Variants in SLC9A7 observed in about 807,000 individuals in gnomAD.
The protein encoded by SLC9A7 is solute carrier family 9 member A7.
In SLC9A7, 19 loss-of-function variants were observed where a neutral mutation model predicts 52.6. The ratio of observed to expected loss-of-function variants is 0.36; its 90% CI spans 0.25 to 0.53. The LOEUF is 0.53. SLC9A7 is among the 20% of genes least tolerant of loss of function. The pLI is 0.91. For synonymous variants in SLC9A7, 226 were observed against 252.1 expected (o/e 0.90, Z 0.98); for missense variants, 455 against 597.9 (o/e 0.76, Z 2.49).
At chrX:46,697,470 C>G (rs1409852346) in intron 1 of SLC9A7, among the ~76,000 whole-genome samples, 1 of 111,617 alleles carries the variant, frequency 9.0e-6, no homozygotes, top group Non-Finnish European at 1.9e-5. Flanking sequence ...TTATTAGTTC[C>G]CCAAATTAAT....
At chrX:46,720,218 C>T (rs1231937618) in intron 1 of SLC9A7, among the ~76,000 whole-genome samples, 1 of 111,781 alleles carries the variant, frequency 8.9e-6, no homozygotes, top group Non-Finnish European at 1.9e-5. Flanking sequence ...ACAAACAAGA[C>T]TTTCCTCAGA....
At position 46,729,244 on chromosome X, in the gene SLC9A7, A is replaced by C. The variant is rs953566764; in HGVS notation, c.325+29461T>G. ...CAATAATTAAATAACTTAAGGAAAA[A>C]CAATATATTTGGTTAAGCCAATAAA... On this transcript the variant is annotated intron_variant, in intron 1 of 16. Transcript: ENST00000616978. Among the ~76,000 whole-genome samples the C allele has an allele frequency of 1.7e-4, 19 of 112,509 alleles. 1 individual carries two copies. Among genetic ancestry groups the C allele is most frequent in the Admixed American group, 1.6e-3 (17 of 10,630 alleles).
intron 1 of SLC9A7, among the ~76,000 whole-genome samples, chrX:46,748,344 CAAAA>C (rs1178403270): frequency 1.1e-4 from 4 of 36,024 alleles, no homozygotes; most frequent in Admixed American, 4.7e-4. Flanking sequence ...GAAACTCTGT[CAAAA>C]AAAAAAAAAA....
At chrX:46,727,539 G>A (rs996444535) in intron 1 of SLC9A7, among the ~76,000 whole-genome samples, 2 of 112,028 alleles carry the variant, frequency 1.8e-5, no homozygotes, top group African/African-American at 6.5e-5. Context: ...TCCACAGCAG[G>A]AGGAAGATAC....
chrX:46,626,707 A>G (rs1355306530), intron 14 of SLC9A7, among the ~76,000 whole-genome samples: 1 of 111,726 alleles, frequency 9.0e-6, no homozygotes, highest in Non-Finnish European at 1.9e-5. Context: ...TGTTCTTGTG[A>G]TAGTGAGTGA....
chrX:46,634,520 T>C (rs1019599970), intron 13 of SLC9A7, among the ~76,000 whole-genome samples: 1 of 111,533 alleles, frequency 9.0e-6, no homozygotes, highest in African/African-American at 3.3e-5. Flanking sequence ...CACATCTTCA[T>C]ATAACACCTT....
intron 1 of SLC9A7, among the ~76,000 whole-genome samples, chrX:46,682,960 A>ATTTTTTTTTTTTTTTTTTTTT (rs1169630244): frequency 2.8e-4 from 18 of 64,898 alleles, no homozygotes; most frequent in East Asian, 4.9e-4. Flanking sequence ...CACCCGGCTA[A>ATTTTTTTTTTTTTTTTTTTTT]TTTTTTTTTT....
At chrX:46,694,902 T>G (rs1944428280) in intron 1 of SLC9A7, among the ~76,000 whole-genome samples, 1 of 112,235 alleles carries the variant, frequency 8.9e-6, no homozygotes, top group Non-Finnish European at 1.9e-5. Flanking sequence ...GGAACGAACT[T>G]GATACATGCT....
chrX:46,721,879 G>A (rs1193726986), intron 1 of SLC9A7, among the ~76,000 whole-genome samples: 1 of 112,286 alleles, frequency 8.9e-6, no homozygotes, highest in Admixed American at 9.4e-5. Context: ...GAAGGCAGTC[G>A]GCGATGTTTG....
chrX:46,619,964 G>C (rs1166289870), intron 15 of SLC9A7, among the ~76,000 whole-genome samples: 2 of 111,814 alleles, frequency 1.8e-5, no homozygotes, highest in Non-Finnish European at 3.8e-5. Flanking sequence ...GATTCGTTTG[G>C]TGTTAAATGA....
intron 5 of SLC9A7, among the ~76,000 whole-genome samples, chrX:46,666,554 C>G (rs1814064136): frequency 8.9e-6 from 1 of 112,355 alleles, no homozygotes; most frequent in Non-Finnish European, 1.9e-5. Flanking sequence ...TAAGTTTAAA[C>G]TTTCAATTTT....
intron 16 of SLC9A7, among the ~76,000 whole-genome samples, chrX:46,608,180 G>A (rs1381456627): frequency 8.9e-6 from 1 of 112,137 alleles, no homozygotes; most frequent in Non-Finnish European, 1.9e-5. Flanking sequence ...GATGACAAAC[G>A]CCAAAGGGCA....
chrX:46,618,013 C>T (rs1190733549), intron 15 of SLC9A7, among the ~76,000 whole-genome samples: 2 of 111,226 alleles, frequency 1.8e-5, no homozygotes, highest in African/African-American at 6.5e-5. Context: ...AAACCATCTG[C>T]TTGAAGGCTT....
chrX:46,654,063 T>C (rs1258096455), intron 7 of SLC9A7, among the ~76,000 whole-genome samples: 1 of 110,828 alleles, frequency 9.0e-6, no homozygotes, highest in African/African-American at 3.3e-5. Flanking sequence ...AAATGACAAA[T>C]CTCGTTGGCT....
At chrX:46,667,378 G>A (rs1457139120) in intron 5 of SLC9A7, among the ~76,000 whole-genome samples, 4 of 110,859 alleles carry the variant, frequency 3.6e-5, no homozygotes, top group Non-Finnish European at 5.7e-5. Flanking sequence ...GGTAAGAGAG[G>A]TCAATGTTTT....
intron 15 of SLC9A7, 68 bp downstream of exon 15, chrX:46,620,909 A>G: frequency 1.2e-6 from 1 of 804,467 alleles, no homozygotes; most frequent in Non-Finnish European, 1.8e-6. Flanking sequence ...GGTGTCATTC[A>G]CCGACAATTC....
At chrX:46,757,407 C>T (rs1667567527) in intron 1 of SLC9A7, among the ~76,000 whole-genome samples, 1 of 112,544 alleles carries the variant, frequency 8.9e-6, no homozygotes. Context: ...CTCTTAACAG[C>T]GCTTGCCCCT....
intron 1 of SLC9A7, among the ~76,000 whole-genome samples, chrX:46,702,699 G>A (rs1278869694): frequency 8.9e-6 from 1 of 112,236 alleles, no homozygotes; most frequent in Non-Finnish European, 1.9e-5. Context: ...GGGCACCTAG[G>A]TTGGTTCCAT....
rs1160191320 is a variant in SLC9A7 at position 46,607,158 on chromosome X, C to T, written c.1975G>A (p.Glu659Lys). 4.1e-6 allele frequency: 5 copies of T among 1,208,797 alleles called. No individual in the cohort carries two copies. Among genetic ancestry groups the T allele is most frequent in the South Asian group, 1.8e-5 (1 of 56,657 alleles). ...CCGTAGGTCAATGTCAGGTCGCCTT[C>T]GGTCAGGATGAAATCAGAGTCTTCC... The part of the protein sequence containing the change: ...REEDSDFILT[E>K]GDLTLTYGDS... The change falls in exon 17 of 17, where the codon GAA becomes AAA. Residue 659 changes from glutamate to lysine, a missense_variant. Around this residue, in one of 3 missense-constraint regions of SLC9A7, gnomAD observed 146 missense variants for 160.5 expected, o/e 0.91. Transcript: ENST00000616978.
Sources: gnomAD v4.1 joint callset for allele counts (sites outside exome capture counted in the v4.1 genomes callset) on GRCh38, gnomAD v4.1.1 for gene constraint, gnomAD v4.1.1 regional missense constraint, MANE v1.5 for transcripts, NCBI Gene and HGNC (gene_info 2026-07-23, HGNC 2026-07-21) for gene names.